FOXA3: variants seen among roughly 807,000 people sequenced by gnomAD.
FOXA3 encodes the protein forkhead box A3.
In FOXA3, 11 loss-of-function variants were observed where a neutral mutation model predicts 16.9. That is an observed-to-expected ratio of 0.65 (90% confidence interval 0.41 to 1.08). The LOEUF (loss-of-function observed/expected upper bound fraction) is 1.08. FOXA3 is among the 50% of genes least tolerant of loss of function. The pLI is 0.00. For synonymous variants in FOXA3, 217 were observed against 203.3 expected (o/e 1.07, Z -0.57); for missense variants, 423 against 470.1 (o/e 0.90, Z 0.93).
At chr19:45,868,796 CAAAG>C (rs1972109057) in intron 1 of FOXA3, among the ~76,000 whole-genome samples, 1 of 151,932 alleles carries the variant, frequency 6.6e-6, no homozygotes, top group Non-Finnish European at 1.5e-5. Context: ...TAAGTAGATA[CAAAG>C]AAAGAAACAA....
chr19:45,869,154 C>T (rs953799720), intron 1 of FOXA3, among the ~76,000 whole-genome samples: 1 of 151,948 alleles, frequency 6.6e-6, no homozygotes, highest in African/African-American at 2.4e-5. Context: ...CTCGAACTCC[C>T]GACCTCAAGC....
intron 1 of FOXA3, among the ~76,000 whole-genome samples, chr19:45,866,390 A>G (rs1189698855): frequency 6.6e-6 from 1 of 152,122 alleles, no homozygotes; most frequent in Non-Finnish European, 1.5e-5. Flanking sequence ...AGCCTGGGTG[A>G]CAGAATGAGA....
intron 1 of FOXA3, among the ~76,000 whole-genome samples, chr19:45,865,369 TG>T (rs1322244386): frequency 6.6e-6 from 1 of 151,830 alleles, no homozygotes; most frequent in Non-Finnish European, 1.5e-5. Context: ...GAGTGGGGGG[TG>T]GCGGCATATT....
intron 1 of FOXA3, among the ~76,000 whole-genome samples, chr19:45,870,942 T>A (rs1397534013): frequency 6.6e-6 from 1 of 151,904 alleles, no homozygotes; most frequent in Non-Finnish European, 1.5e-5. Context: ...TACAAAAAAA[T>A]TAGCTGGGTG....
intron 1 of FOXA3, 81 bp from the exon 2 acceptor site, chr19:45,871,994 C>T (rs1966908631): frequency 9.5e-6 from 13 of 1,366,248 alleles, no homozygotes; most frequent in South Asian, 3.9e-5. Context: ...GACAGACAGA[C>T]GGACACTCAG....
chr19:45,871,727 C>G (rs1966906460), intron 1 of FOXA3, among the ~76,000 whole-genome samples: 1 of 150,694 alleles, frequency 6.6e-6, no homozygotes, highest in African/African-American at 2.4e-5. Context: ...GAGCAAGACT[C>G]TGCCTCGAAA....
intron 1 of FOXA3, among the ~76,000 whole-genome samples, chr19:45,867,961 G>GGACTC (rs1443694391): frequency 6.6e-6 from 1 of 150,706 alleles, no homozygotes; most frequent in Non-Finnish European, 1.5e-5. Context: ...AGATGGGAGA[G>GGACTC]GACTCGGGAG....
rs779323164 is a variant in FOXA3, at chr19:45,872,082, C to T, written c.77C>T (p.Ser26Leu). 2.5e-6 allele frequency: 4 copies of T among 1,610,780 alleles called. No individual in the cohort carries two copies. Among genetic ancestry groups the T allele is most frequent in the South Asian group, 2.2e-5 (2 of 90,672 alleles). Residue 26 changes from serine (S) to leucine (L), a missense_variant, in exon 2 of 2, where the codon TCG becomes TTG. Around this residue, in one of 3 missense-constraint regions of FOXA3, gnomAD observed 170 missense variants for 153.9 expected, o/e 1.10. Coordinates refer to ENST00000302177, the MANE Select transcript of FOXA3 (RefSeq NM_004497.3). The surrounding 1 kb of genome is among the most constrained non-coding windows in gnomAD (Gnocchi z 4.5). Reference protein sequence around the residue: ...SYYPEAGEVYSPVTPVPTMAP... With the variant: ...SYYPEAGEVYLPVTPVPTMAP... ...CTTTCATCTTTCCCCTAGGTCTACT[C>T]GCCGGTGACCCCAGTGCCCACCATG...
At chr19:45,867,976 C>A (rs1013602423) in intron 1 of FOXA3, among the ~76,000 whole-genome samples, 1 of 128,928 alleles carries the variant, frequency 7.8e-6, no homozygotes, top group Non-Finnish European at 1.6e-5. Flanking sequence ...CGGGAGGGGT[C>A]GAGGGTGGGC....
chr19:45,871,902 C>T (rs1966907861), intron 1 of FOXA3, among the ~76,000 whole-genome samples, 173 bp from the exon 2 acceptor site: 1 of 152,018 alleles, frequency 6.6e-6, no homozygotes, highest in African/African-American at 2.4e-5. Context: ...AGGGCGTGTC[C>T]AGGGAGTGAG....
chr19:45,872,141 C>G lies in FOXA3; in HGVS notation c.136C>G (p.Leu46Val). 6.3e-7 allele frequency: 1 copy of G among 1,596,180 alleles called. No homozygotes were observed. Among genetic ancestry groups the G allele is most frequent in the Non-Finnish European group, 8.5e-7 (1 of 1,171,564 alleles). The stretch of plus-strand genomic sequence containing the variant: ...CAACTCCTACATGACCCTGAATCCT[C>G]TAAGCTCTCCCTATCCCCCTGGGGG... ...PLNSYMTLNP[L>V]SSPYPPGGLP... The change falls in exon 2 of 2, where the codon CTA (leucine) becomes GTA (valine). Residue 46 changes from leucine (L) to valine (V), a missense_variant. Physicochemically the swap from Leu to Val is conservative, Grantham distance 32 (BLOSUM62 1). This residue lies in a region of FOXA3 where 170 missense variants were observed against 153.9 expected (regional missense o/e 1.10). Transcript: ENST00000302177. The surrounding 1 kb of genome is among the most constrained non-coding windows in gnomAD (Gnocchi z 4.5).
At chr19:45,866,391 C>A (rs1972085996) in intron 1 of FOXA3, among the ~76,000 whole-genome samples, 1 of 152,024 alleles carries the variant, frequency 6.6e-6, no homozygotes, top group Non-Finnish European at 1.5e-5. Context: ...GCCTGGGTGA[C>A]AGAATGAGAC....
chr19:45,873,003 A>G lies in FOXA3; in HGVS notation c.998A>G (p.Glu333Gly). The G allele has an allele frequency of 1.2e-6, 2 of 1,612,640 alleles. No individual in the cohort carries two copies. Among genetic ancestry groups the G allele is most frequent in the Non-Finnish European group, 1.7e-6 (2 of 1,179,326 alleles). ...GFGGYGAEGG[E>G]PGVYYQGLYS... The stretch of plus-strand genomic sequence containing the variant: ...GGGGGCTACGGGGCTGAAGGTGGGG[A>G]GCCTGGAGTCTACTACCAGGGCCTC... The change falls in exon 2 of 2, where the codon GAG becomes GGG. Residue 333 changes from glutamate to glycine, a missense_variant. Glu to Gly is a moderately conservative substitution (Grantham distance 98). Transcript: ENST00000302177.
At position 45,864,597 on chromosome 19, in the gene FOXA3, A is replaced by G. The variant is rs570015785; in HGVS notation, c.69+72A>G. On this transcript the variant is annotated intron_variant, in intron 1 of 1. Transcript: ENST00000302177. ...GGGTGTGGGCTCACATGGAGCAGGGACTGGTTGTGGGTTCAAATGGAGGCA... is the reference window on the plus strand; with the variant it reads ...GGGTGTGGGCTCACATGGAGCAGGGGCTGGTTGTGGGTTCAAATGGAGGCA... The G allele has an allele frequency of 5.7e-5, 74 of 1,293,424 alleles. No individual in the cohort carries two copies. The African/African-American group carries it at 1.1e-3, about 19-fold the overall frequency. 80.1% of individuals were successfully genotyped at this position (1,293,424 alleles called of 1,614,324 possible). A position where few individuals can be genotyped will look rare whatever the true frequency, so the allele number is the denominator to read the frequency against.
chr19:45,867,037 GT>G (rs1972090784), intron 1 of FOXA3, among the ~76,000 whole-genome samples: 1 of 152,164 alleles, frequency 6.6e-6, no homozygotes, highest in African/African-American at 2.4e-5. Context: ...GACACCAGGG[GT>G]TCATCCCAGC....
At chr19:45,871,992 G>A (rs1480810027) in intron 1 of FOXA3, 83 bp from the exon 2 acceptor site, 9 of 1,358,402 alleles carry the variant, frequency 6.6e-6, no homozygotes, top group East Asian at 2.3e-5. Flanking sequence ...TGGACAGACA[G>A]ACGGACACTC....
At chr19:45,867,455 A>AGATAGATAGATAGATG (rs1418121730) in intron 1 of FOXA3, among the ~76,000 whole-genome samples, 2 of 147,750 alleles carry the variant, frequency 1.4e-5, no homozygotes, top group South Asian at 4.3e-4. Context: ...ATAGATAGAT[A>AGATAGATAGATAGATG]GATGCATGGA....
At chr19:45,868,842 T>G (rs1226706496) in intron 1 of FOXA3, among the ~76,000 whole-genome samples, 2 of 152,180 alleles carry the variant, frequency 1.3e-5, no homozygotes, top group African/African-American at 4.8e-5. Flanking sequence ...TCCTGGCGTG[T>G]TCTGTTCACT....
intron 1 of FOXA3, among the ~76,000 whole-genome samples, chr19:45,866,669 C>T: frequency 6.6e-6 from 1 of 152,132 alleles, no homozygotes; most frequent in Non-Finnish European, 1.5e-5. Flanking sequence ...CTTGGGGTGA[C>T]GTTAACACTC....
Sources: allele counts gnomAD v4.1 joint callset (sites outside exome capture counted in the v4.1 genomes callset), GRCh38; gene constraint gnomAD v4.1.1; regional missense constraint gnomAD v4.1.1; non-coding constraint Gnocchi (gnomAD v3.1); transcripts MANE v1.5; gene names NCBI Gene and HGNC (gene_info 2026-07-23, HGNC 2026-07-21).